VWA3B: variants seen among roughly 807,000 people sequenced by gnomAD.
The protein encoded by VWA3B is von Willebrand factor A domain containing 3B.
VWA3B carries 138 observed loss-of-function variants against 158.3 expected under a neutral mutation model. That is an observed-to-expected ratio of 0.87 (90% CI 0.76 to 1.00). VWA3B has a LOEUF of 1.00. Among genes scored for constraint, VWA3B ranks in the 50% least tolerant of loss-of-function variants. The pLI is 0.00. For synonymous variants in VWA3B, 596 were observed against 587.3 expected (o/e 1.01, Z -0.21); for missense variants, 1,555 against 1,565.1 (o/e 0.99, Z 0.11).
At chr2:98,146,656 G>T (rs1573903340) in intron 7 of VWA3B, among the ~76,000 whole-genome samples, 1 of 152,156 alleles carries the variant, frequency 6.6e-6, no homozygotes, top group Non-Finnish European at 1.5e-5. Context: ...CACATTCTCT[G>T]TGCTTTCTTC....
At chr2:98,179,174 G>A in intron 8 of VWA3B, 1 of 470,052 alleles carries the variant, frequency 2.1e-6, no homozygotes, top group Non-Finnish European at 4.4e-6. Context: ...CCAGACACCA[G>A]TGCCTCCTCA....
rs925144365 is a variant in VWA3B, at chr2:98,294,384, T to C, written c.3158-3523T>C. 8.5e-5 allele frequency among the ~76,000 whole-genome samples: 13 copies of C among 152,320 alleles called. No individual in the cohort carries two copies. The East Asian group carries it at 1.9e-3, about 23-fold the overall frequency. ...AGAAGGCAAGATTGGAGTCACTGGA[T>C]TGAGGCGTCCACTACATGAGGCCAG... On this transcript the variant is annotated intron_variant, in intron 23 of 27. Transcript: ENST00000477737.
At position 98,194,420 on chromosome 2, in the gene VWA3B, T is replaced by C. The variant is rs762941879; in HGVS notation, c.1665T>C (p.Ala555=). Residue 555 remains alanine, a synonymous_variant, in exon 12 of 28, where the codon GCT becomes GCC. Coordinates refer to ENST00000477737, the MANE Select transcript of VWA3B (RefSeq NM_144992.5). ...TGAAGTTTGATGGTCAAGCAGTTGC[T>C]TGGCGGGAACAACTTGCTGAAGTCA... ...NFVKFDGQAV[A]WREQLAEVNE... 2.5e-6 allele frequency: 4 copies of C among 1,614,042 alleles called. No individual in the cohort carries two copies. Among genetic ancestry groups the C allele is most frequent in the Admixed American group, 3.3e-5 (2 of 60,002 alleles).
chr2:98,294,559 C>A (rs981138140), intron 23 of VWA3B, among the ~76,000 whole-genome samples: 1 of 152,256 alleles, frequency 6.6e-6, no homozygotes, highest in Non-Finnish European at 1.5e-5. Flanking sequence ...GAGCGATAGC[C>A]TGGCTTATCT....
chr2:98,285,390 A>G (rs1689108364), intron 22 of VWA3B, among the ~76,000 whole-genome samples: 1 of 152,150 alleles, frequency 6.6e-6, no homozygotes, highest in Non-Finnish European at 1.5e-5. Flanking sequence ...TAATGCTGAT[A>G]TGAATCCTCA....
intron 26 of VWA3B, among the ~76,000 whole-genome samples, chr2:98,311,013 C>T (rs980969401): frequency 3.9e-5 from 6 of 152,104 alleles, no homozygotes; most frequent in African/African-American, 1.4e-4. Context: ...GGATCCGAAG[C>T]AGTAATAGTC....
rs1277293714 is a variant in VWA3B at position 98,207,680 on chromosome 2, A to T, written c.1738-4250A>T. On this transcript the variant is annotated intron_variant, in intron 12 of 27. Transcript: ENST00000477737. The stretch of plus-strand genomic sequence containing the variant: ...GAACGGGCCTTCAGTGATGGAACCC[A>T]TTGAAGAAGGTTTGGCAGAAGCTGA... The T allele has an allele frequency of 7.1e-6, 3 of 423,900 alleles. No individual in the cohort carries two copies. In the Admixed American group the frequency reaches 8.1e-5, roughly 11 times the overall value. 26.3% of individuals were successfully genotyped at this position (423,900 alleles called of 1,614,324 possible). A position where few individuals can be genotyped will look rare whatever the true frequency, so the allele number is the denominator to read the frequency against.
chr2:98,307,773 A>G (rs957856312), intron 26 of VWA3B, among the ~76,000 whole-genome samples: 14 of 152,250 alleles, frequency 9.2e-5, no homozygotes, highest in Non-Finnish European at 2.9e-5. Context: ...GCTATTAAAG[A>G]CATGTACTGT....
In VWA3B at chr2:98,267,430, C is replaced by T. The variant is rs371400346; in HGVS notation, c.2844-3252C>T. Among the ~76,000 whole-genome samples, 15 of 152,036 alleles carry T rather than the reference C, an allele frequency of 9.9e-5. No individual in the cohort carries two copies. The East Asian group carries it at 1.5e-3, about 16-fold the overall frequency. On this transcript the variant is annotated intron_variant, in intron 21 of 27. Transcript: ENST00000477737. ...ACATGGAAACTGAACAACCTGCTCC[C>T]GAATGACTACTGGGTACATAACAAA...
At chr2:98,284,605 A>G (rs1689061065) in intron 22 of VWA3B, among the ~76,000 whole-genome samples, 1 of 152,272 alleles carries the variant, frequency 6.6e-6, no homozygotes, top group African/African-American at 2.4e-5. Flanking sequence ...TAGCATGGCA[A>G]ATACATAGCT....
At chr2:98,109,328 T>C (rs918228255) in intron 2 of VWA3B, among the ~76,000 whole-genome samples, 1 of 152,188 alleles carries the variant, frequency 6.6e-6, no homozygotes, top group Non-Finnish European at 1.5e-5. Flanking sequence ...TATGGCTTTT[T>C]TAGTGATTGT....
intron 14 of VWA3B, among the ~76,000 whole-genome samples, chr2:98,225,908 T>C (rs115531588): frequency 1.6e-3 from 243 of 152,240 alleles, no homozygotes; most frequent in African/African-American, 5.6e-3. Flanking sequence ...ATGTTGAAAA[T>C]TACAAAATGC....
chr2:98,104,903 A>G (rs528108885), intron 2 of VWA3B, among the ~76,000 whole-genome samples: 1 of 152,188 alleles, frequency 6.6e-6, no homozygotes, highest in Non-Finnish European at 1.5e-5. Context: ...TTCAACACTC[A>G]TACCTCCCCT....
chr2:98,098,770 T>C (rs762188179), intron 2 of VWA3B, among the ~76,000 whole-genome samples: 4 of 152,148 alleles, frequency 2.6e-5, no homozygotes, highest in Admixed American at 6.5e-5. Flanking sequence ...TCTAGTTGTT[T>C]AGTGGATCCT....
intron 21 of VWA3B, among the ~76,000 whole-genome samples, chr2:98,263,524 G>T (rs984984270): frequency 6.6e-6 from 1 of 151,838 alleles, no homozygotes; most frequent in Non-Finnish European, 1.5e-5. Flanking sequence ...CCTTCATTTT[G>T]TTAATGTGGT....
intron 26 of VWA3B, among the ~76,000 whole-genome samples, chr2:98,306,496 A>C (rs1690534022): frequency 6.6e-6 from 1 of 152,108 alleles, no homozygotes; most frequent in Non-Finnish European, 1.5e-5. Context: ...ACAATTCTCC[A>C]TTCTTTGTCT....
chr2:98,230,257 A>G, intron 16 of VWA3B, 50 bp downstream of exon 16: 2 of 1,456,550 alleles, frequency 1.4e-6, no homozygotes, highest in Non-Finnish European at 1.8e-6. Flanking sequence ...TCTTCAAGGC[A>G]AGAAGATAGA....
chr2:98,167,914 C>G (rs1679226160), intron 8 of VWA3B, among the ~76,000 whole-genome samples: 1 of 152,184 alleles, frequency 6.6e-6, no homozygotes, highest in African/African-American at 2.4e-5. Context: ...TTGAGCACTG[C>G]TCTGGGCCCT....
chr2:98,122,262 C>A (rs866691562), intron 5 of VWA3B, among the ~76,000 whole-genome samples: 30 of 152,112 alleles, frequency 2.0e-4, no homozygotes, highest in African/African-American at 6.8e-4. Flanking sequence ...GGTCTGCTTG[C>A]CTTTGGATAC....
Sources: allele counts gnomAD v4.1 joint callset (sites outside exome capture counted in the v4.1 genomes callset), GRCh38; gene constraint gnomAD v4.1.1; transcripts MANE v1.5; gene names NCBI Gene and HGNC (gene_info 2026-07-23, HGNC 2026-07-21).